AFF2: variants seen among roughly 807,000 people sequenced by gnomAD.
The protein encoded by AFF2 is AF4/FMR2 family member 2.
Under a neutral mutation model 76.9 loss-of-function variants are expected in AFF2, and 14 were observed. That is an observed-to-expected ratio of 0.18 (90% CI 0.12 to 0.28). The LOEUF (loss-of-function observed/expected upper bound fraction) is 0.28. Among genes scored for constraint, AFF2 ranks in the 10% least tolerant of loss-of-function variants. The pLI, the probability that AFF2 is intolerant of heterozygous loss-of-function variation, is 1.00. For synonymous variants in AFF2, 398 were observed against 366.7 expected (o/e 1.09, Z -0.98); for missense variants, 868 against 1,001.1 (o/e 0.87, Z 1.79).
At chrX:148,645,049 G>A (rs1434204558) in intron 1 of AFF2, among the ~76,000 whole-genome samples, 1 of 111,859 alleles carries the variant, frequency 8.9e-6, no homozygotes, top group Non-Finnish European at 1.9e-5. Context: ...CCAACTTAGT[G>A]TCTCTGTCTC....
At chrX:148,922,619 T>C (rs1270230990) in intron 9 of AFF2, among the ~76,000 whole-genome samples, 5 of 112,347 alleles carry the variant, frequency 4.5e-5, no homozygotes, top group African/African-American at 1.6e-4. Context: ...TGGAAAGTAG[T>C]TCTAATCTAA....
intron 3 of AFF2, among the ~76,000 whole-genome samples, chrX:148,709,692 CA>C (rs2054938543): frequency 2.7e-5 from 3 of 112,052 alleles, no homozygotes; most frequent in African/African-American, 9.7e-5. Context: ...CAAGTGCACA[CA>C]CATAGTGTGG....
intron 1 of AFF2, among the ~76,000 whole-genome samples, chrX:148,565,415 T>C (rs1291413396): frequency 1.8e-5 from 2 of 111,578 alleles, no homozygotes; most frequent in African/African-American, 6.5e-5. Context: ...TGGATTTTAT[T>C]CCTGCAACAC....
In AFF2 at chrX:148,590,889, G is replaced by C. The variant is rs994496824; in HGVS notation, c.48-61110G>C. ...ATAACTGGATCGTAACTACTCTTGT[G>C]GTTTTTCCATTCAGAAAATACTTGT... On this transcript the variant is annotated intron_variant, in intron 1 of 20. Coordinates refer to ENST00000370460, the MANE Select transcript of AFF2 (RefSeq NM_002025.4). 1.7e-4 allele frequency among the ~76,000 whole-genome samples: 19 copies of C among 111,898 alleles called. No individual in the cohort carries two copies. In the East Asian group the frequency reaches 4.2e-3, roughly 25 times the overall value.
chrX:148,820,203 T>A (rs1345255738), intron 4 of AFF2, among the ~76,000 whole-genome samples: 1 of 111,634 alleles, frequency 9.0e-6, no homozygotes, highest in Non-Finnish European at 1.9e-5. Context: ...TATAAATCAA[T>A]TTTGAGGGAA....
chrX:148,903,932 C>T (rs947078187), intron 8 of AFF2, among the ~76,000 whole-genome samples: 2 of 111,372 alleles, frequency 1.8e-5, no homozygotes, highest in East Asian at 5.7e-4. Flanking sequence ...CCTAGTTATG[C>T]ACCCAGAAGT....
intron 13 of AFF2, 75 bp downstream of exon 13, chrX:148,963,012 G>A: frequency 1.3e-6 from 1 of 744,548 alleles, no homozygotes. Context: ...TGATCATTTG[G>A]GGATGTTGCA....
rs905999948 is a variant in AFF2, at chrX:148,942,038, A to G, written c.1398-11542A>G. Among the ~76,000 whole-genome samples the G allele has an allele frequency of 3.6e-5, 4 of 110,583 alleles. No homozygotes were observed. In the South Asian group the frequency reaches 1.2e-3, roughly 32 times the overall value. On this transcript the variant is annotated intron_variant, in intron 9 of 20. Coordinates refer to ENST00000370460, the MANE Select transcript of AFF2 (RefSeq NM_002025.4). ...GGTCCCTGCCATCAAGGAATGTACA[A>G]TTTAGTGGTGCAGGTTAGCACAACG...
intron 1 of AFF2, among the ~76,000 whole-genome samples, chrX:148,607,438 G>A (rs1319165447): frequency 9.0e-6 from 1 of 110,830 alleles, no homozygotes; most frequent in East Asian, 2.9e-4. Context: ...TTTTATAAAG[G>A]GCAGTTCCCC....
Position 148,987,493 on chromosome X carries a change from T to C in AFF2, c.3750T>C (p.Thr1250=), listed in dbSNP as rs1557291726. ...TGGCTGCCAGCCACGTCAACATCAC[T>C]AGCAATGTGTTACGGGGCTATGAAC... The part of the protein sequence containing the change: ...HHMAASHVNI[T]SNVLRGYEHW... The change falls in exon 20 of 21, where the codon ACT becomes ACC. Residue 1250 remains threonine (T), a synonymous_variant. Transcript: ENST00000370460. The C allele has an allele frequency of 8.3e-7, 1 of 1,211,154 alleles. No individual in the cohort carries two copies. The highest frequency in any genetic ancestry group is 1.1e-6 in the Non-Finnish European group (1 of 895,104).
intron 3 of AFF2, among the ~76,000 whole-genome samples, chrX:148,718,239 T>C (rs1172303817): frequency 1.8e-5 from 2 of 111,864 alleles, no homozygotes; most frequent in East Asian, 5.7e-4. Flanking sequence ...CATGTCCCTC[T>C]GTTCTCAGAT....
chrX:148,762,420 T>TATATATATATATATATATATACAC (rs1225408056), intron 3 of AFF2, among the ~76,000 whole-genome samples: 1 of 101,128 alleles, frequency 9.9e-6, no homozygotes, highest in African/African-American at 4.5e-5. Flanking sequence ...TATATATATA[T>TATATATATATATATATATATACAC]ACACATGCAC....
intron 1 of AFF2, among the ~76,000 whole-genome samples, chrX:148,518,953 A>G (rs781836751): frequency 8.9e-5 from 10 of 112,075 alleles, no homozygotes; most frequent in Non-Finnish European, 1.9e-4. Flanking sequence ...AAACCATGAA[A>G]ACAGCATCAT....
At chrX:148,547,365 A>C (rs2052934001) in intron 1 of AFF2, 1 of 111,904 alleles carries the variant, frequency 8.9e-6, no homozygotes, top group African/African-American at 3.3e-5. Context: ...ATCTAAGTGG[A>C]AGATACAGGA....
chrX:148,576,031 A>G (rs1557243381), intron 1 of AFF2, among the ~76,000 whole-genome samples: 1 of 111,033 alleles, frequency 9.0e-6, no homozygotes, highest in East Asian at 2.8e-4. Flanking sequence ...AGCTATGACA[A>G]GAATTCAGTA....
In AFF2 at chrX:148,677,498, C is replaced by A. The variant is rs191965999; in HGVS notation, c.1041+14730C>A. Reference sequence around the variant, plus strand: ...AGAGGTTTGATAGTACTTTAGAGAGCATGGGAAAATATGCTGAATATTTTC... The same window carrying A: ...AGAGGTTTGATAGTACTTTAGAGAGAATGGGAAAATATGCTGAATATTTTC... On this transcript the variant is annotated intron_variant, in intron 3 of 20. Transcript: ENST00000370460. Among the ~76,000 whole-genome samples the A allele has an allele frequency of 2.2e-4, 25 of 112,030 alleles. No individual in the cohort carries two copies. In the East Asian group the frequency reaches 6.7e-3, roughly 30 times the overall value.
At chrX:148,813,740 C>T (rs947675464) in intron 4 of AFF2, among the ~76,000 whole-genome samples, 5 of 112,153 alleles carry the variant, frequency 4.5e-5, no homozygotes, top group Admixed American at 3.8e-4. Context: ...TTAACAGGCT[C>T]CAGTCTGCTT....
intron 4 of AFF2, among the ~76,000 whole-genome samples, chrX:148,812,942 A>G (rs1423305646): frequency 8.9e-6 from 1 of 111,855 alleles, no homozygotes; most frequent in African/African-American, 3.2e-5. Flanking sequence ...AAAGTGCTAT[A>G]ATATGCTGGA....
chrX:148,918,329 G>C (rs374236193), intron 9 of AFF2, among the ~76,000 whole-genome samples: 3 of 112,029 alleles, frequency 2.7e-5, no homozygotes, highest in African/African-American at 6.5e-5. Context: ...GGTGAGACTC[G>C]CGGTAGTTTT....
Sources: gnomAD v4.1 joint callset for allele counts (sites outside exome capture counted in the v4.1 genomes callset) on GRCh38, gnomAD v4.1.1 for gene constraint, MANE v1.5 for transcripts, NCBI Gene and HGNC (gene_info 2026-07-23, HGNC 2026-07-21) for gene names.